Variants in JMY observed in about 807,000 individuals in gnomAD.
The protein encoded by JMY is junction mediating and regulatory protein, p53 cofactor, also known as junction-mediating and -regulatory protein.
In JMY, 46 loss-of-function variants were observed where a neutral mutation model predicts 103.3. The ratio of observed to expected loss-of-function variants is 0.45; its 90% CI spans 0.35 to 0.57. The LOEUF (loss-of-function observed/expected upper bound fraction) is 0.57, where lower values mean the gene tolerates loss of function less well. Among genes scored for constraint, JMY ranks in the 20% least tolerant of loss-of-function variants. The pLI, the probability that JMY is intolerant of heterozygous loss-of-function variation, is 0.00. For synonymous variants in JMY, 526 were observed against 489.3 expected, an observed-to-expected ratio of 1.07 and a Z score of -0.99; for missense variants, 1,238 against 1,255.2, an observed-to-expected ratio of 0.99 and a Z score of 0.21.
chr5:79,324,421 T>C lies in JMY; in HGVS notation c.*2819T>C, dbSNP rs1580382234. The C allele has an allele frequency of 6.6e-6, 1 of 152,222 alleles. No individual in the cohort carries two copies. The highest frequency in any genetic ancestry group is 2.4e-5 in the African/African-American group (1 of 41,454). 9.4% of individuals were successfully genotyped at this position (152,222 alleles called of 1,614,324 possible). A position where few individuals can be genotyped will look rare whatever the true frequency, so the allele number is the denominator to read the frequency against. ...TCCACAAACCGCTGTTTGCTTATGC[T>C]GAGTCAATTTAGAAGTTAATTTCCA... On this transcript the variant is annotated 3_prime_UTR_variant, in exon 11 of 11. Coordinates refer to ENST00000396137, the MANE Select transcript of JMY (RefSeq NM_152405.5).
intron 1 of JMY, among the ~76,000 whole-genome samples, chr5:79,262,119 C>G (rs566580319): frequency 1.3e-5 from 2 of 152,254 alleles, no homozygotes; most frequent in African/African-American, 4.8e-5. Flanking sequence ...CTTCTGAAAC[C>G]CTTTGTGGTT....
At chr5:79,300,598 A>T in intron 5 of JMY, 78 bp from the exon 6 acceptor site, 1 of 1,155,076 alleles carries the variant, frequency 8.7e-7, no homozygotes, top group Non-Finnish European at 1.2e-6. Flanking sequence ...CAGAGCCAGT[A>T]ATGAGATTAG....
At chr5:79,238,157 A>T (rs890835003) in intron 1 of JMY, among the ~76,000 whole-genome samples, 1 of 152,184 alleles carries the variant, frequency 6.6e-6, no homozygotes, top group Non-Finnish European at 1.5e-5. Context: ...CAAATTTTAA[A>T]TTCATTTTTA....
intron 6 of JMY, among the ~76,000 whole-genome samples, chr5:79,302,174 G>A (rs555635140): frequency 1.3e-5 from 2 of 151,422 alleles, no homozygotes; most frequent in Admixed American, 6.6e-5. Context: ...GATTTCAGAA[G>A]AGCACATTTT....
In JMY at chr5:79,314,620, ACAC is replaced by A; in HGVS notation, c.2436_2438del (p.Pro825del). 6 of 1,603,124 alleles carry A rather than the reference ACAC, an allele frequency of 3.7e-6. No individual in the cohort carries two copies. The highest frequency in any genetic ancestry group is 1.1e-5 in the South Asian group (1 of 90,514). ...TCCACTCCCATCCCCTCTTCCTCCA[ACAC>A]CACCACCTCCCCCACCTCCTCCCCC... On this transcript the variant is annotated inframe_deletion, in exon 9 of 11. Coordinates refer to ENST00000396137, the MANE Select transcript of JMY (RefSeq NM_152405.5).
chr5:79,268,514 G>A (rs180749722), intron 1 of JMY, among the ~76,000 whole-genome samples: 1 of 151,906 alleles, frequency 6.6e-6, no homozygotes, highest in East Asian at 1.9e-4. Context: ...TTGAGATGGC[G>A]TCTCGCTCTG....
intron 1 of JMY, among the ~76,000 whole-genome samples, chr5:79,248,604 G>A (rs943409907): frequency 5.3e-5 from 8 of 151,372 alleles, no homozygotes; most frequent in Admixed American, 2.0e-4. Context: ...CCACCGCGCC[G>A]GCCTCCTTCT....
In JMY at chr5:79,306,549, C is replaced by G. The variant is rs1043732600; in HGVS notation, c.1968+88C>G. On this transcript the variant is annotated intron_variant, in intron 7 of 10. Coordinates refer to ENST00000396137, the MANE Select transcript of JMY (RefSeq NM_152405.5). Reference sequence around the variant, plus strand: ...AAATCTGTAGAGAATGATAAAAAAACTTATAACTGCATGTTAACATTAGTT... The same window carrying G: ...AAATCTGTAGAGAATGATAAAAAAAGTTATAACTGCATGTTAACATTAGTT... 3 of 894,636 alleles carry G rather than the reference C, an allele frequency of 3.4e-6. No homozygotes were observed. In the African/African-American group the frequency reaches 5.1e-5, roughly 15 times the overall value. 55.4% of individuals were successfully genotyped at this position (894,636 alleles called of 1,614,324 possible).
intron 1 of JMY, among the ~76,000 whole-genome samples, chr5:79,270,629 A>G: frequency 7.1e-6 from 1 of 140,672 alleles, no homozygotes; most frequent in East Asian, 2.0e-4. Flanking sequence ...TATAAAATAT[A>G]TTTACATAAA....
At position 79,323,097 on chromosome 5, in the gene JMY, C is replaced by T. The variant is rs1327679575; in HGVS notation, c.*1495C>T. On this transcript the variant is annotated 3_prime_UTR_variant, in exon 11 of 11. Transcript: ENST00000396137. ...TTATTATTTCAAAACAAAACAGGCA[C>T]ATGCCACCATGCCCCAGCTAATTTT... 6.6e-6 allele frequency: 1 copy of T among 152,146 alleles called. No individual in the cohort carries two copies. The highest frequency in any genetic ancestry group is 2.4e-5 in the African/African-American group (1 of 41,420). 9.4% of individuals were successfully genotyped at this position (152,146 alleles called of 1,614,324 possible).
chr5:79,263,192 T>C (rs996611369), intron 1 of JMY, among the ~76,000 whole-genome samples: 1 of 152,196 alleles, frequency 6.6e-6, no homozygotes, highest in African/African-American at 2.4e-5. Context: ...GTGTTAGTTT[T>C]CAAGCGAAGT....
In JMY at chr5:79,326,240, G is replaced by C. The variant is rs1747640818; in HGVS notation, c.*4638G>C. 6.6e-6 allele frequency: 1 copy of C among 152,064 alleles called. No individual in the cohort carries two copies. Among genetic ancestry groups the C allele is most frequent in the Non-Finnish European group, 1.5e-5 (1 of 67,990 alleles). 9.4% of individuals were successfully genotyped at this position (152,064 alleles called of 1,614,324 possible). A position where few individuals can be genotyped will look rare whatever the true frequency, so the allele number is the denominator to read the frequency against. On this transcript the variant is annotated 3_prime_UTR_variant, in exon 11 of 11. Transcript: ENST00000396137. Reference sequence around the variant, plus strand: ...GCACACTAAGAGTGGCTAAATTTGGGGGAATTGGTGGATAGGAAAGACCTT... The same window carrying C: ...GCACACTAAGAGTGGCTAAATTTGGCGGAATTGGTGGATAGGAAAGACCTT...
In JMY at chr5:79,325,314, G is replaced by C. The variant is rs1747599204; in HGVS notation, c.*3712G>C. The C allele has an allele frequency of 6.6e-6, 1 of 152,076 alleles. No homozygotes were observed. The highest frequency in any genetic ancestry group is 1.5e-5 in the Non-Finnish European group (1 of 67,992). The allele number at this position is 152,076 out of a possible 1,614,324, so 9.4% of individuals were successfully genotyped here. A position where few individuals can be genotyped will look rare whatever the true frequency, so the allele number is the denominator to read the frequency against. The stretch of plus-strand genomic sequence containing the variant: ...AAAAAGTACTATTGGGTCCTTAAGG[G>C]CTCTATCAGGGAGTTGAAATTTCAT... On this transcript the variant is annotated 3_prime_UTR_variant, in exon 11 of 11. Coordinates refer to ENST00000396137, the MANE Select transcript of JMY (RefSeq NM_152405.5).
intron 4 of JMY, among the ~76,000 whole-genome samples, chr5:79,293,274 T>C (rs1432686880): frequency 2.6e-5 from 4 of 152,230 alleles, no homozygotes; most frequent in Non-Finnish European, 5.9e-5. Context: ...ATGTTCTGAA[T>C]TAACACTGAA....
At chr5:79,238,309 G>C (rs1320904529) in intron 1 of JMY, among the ~76,000 whole-genome samples, 1 of 151,916 alleles carries the variant, frequency 6.6e-6, no homozygotes, top group Non-Finnish European at 1.5e-5. Context: ...TGCTGTTTTA[G>C]GTAGAAATAA....
In JMY at chr5:79,278,020, G is replaced by C; in HGVS notation, c.1143G>C (p.Gln381His). ...CAGAAGCTACAACCGAACTCTATCA[G>C]TATTTACTACAGCCATTCCGAGACA... The part of the protein sequence containing the change: ...SLAEATTELY[Q>H]YLLQPFRDMR... Residue 381 changes from glutamine to histidine, a missense_variant, in exon 2 of 11, where the codon CAG becomes CAC. By Grantham distance (24) the Gln-to-His change is conservative. Transcript: ENST00000396137. 6.2e-7 allele frequency: 1 copy of C among 1,614,024 alleles called. No individual in the cohort carries two copies. Among genetic ancestry groups the C allele is most frequent in the Non-Finnish European group, 8.5e-7 (1 of 1,179,968 alleles).
Position 79,312,229 on chromosome 5 carries a change from CATATTTCATGTTTCATGAAGTATTAAAA to C in JMY, c.1969-154_1969-127del, listed in dbSNP as rs1467013485. Among the ~76,000 whole-genome samples, 4 of 152,124 alleles carry C rather than the reference CATATTTCATGTTTCATGAAGTATTAAAA, an allele frequency of 2.6e-5. No individual in the cohort carries two copies. The East Asian group carries it at 7.7e-4, about 29-fold the overall frequency. The stretch of plus-strand genomic sequence containing the variant: ...AAAAATATTTCATGTTTCATGCTTT[CATATTTCATGTTTCATGAAGTATTAAAA>C]ATATTTCATGTTTCATGAACAAAAA... On this transcript the variant is annotated intron_variant, in intron 7 of 10. Coordinates refer to ENST00000396137, the MANE Select transcript of JMY (RefSeq NM_152405.5).
chr5:79,287,991 G>C (rs1225926086), intron 2 of JMY, among the ~76,000 whole-genome samples: 3 of 152,070 alleles, frequency 2.0e-5, no homozygotes, highest in African/African-American at 7.2e-5. Flanking sequence ...TTTTAAACCT[G>C]TATGTTTTAA....
intron 1 of JMY, among the ~76,000 whole-genome samples, chr5:79,276,381 A>C (rs1167174998): frequency 6.6e-6 from 1 of 151,948 alleles, no homozygotes; most frequent in Non-Finnish European, 1.5e-5. Context: ...CGGCCTCCCA[A>C]AGTGCTGGGA....
Sources: allele counts gnomAD v4.1 joint callset (sites outside exome capture counted in the v4.1 genomes callset), GRCh38; gene constraint gnomAD v4.1.1; transcripts MANE v1.5; gene names NCBI Gene and HGNC (gene_info 2026-07-23, HGNC 2026-07-21).